The following DLGAP1 variants were observed in gnomAD, a reference collection of about 807,000 sequenced individuals.
DLGAP1 encodes DLG associated protein 1.
Under a neutral mutation model 90.8 loss-of-function variants are expected in DLGAP1, and 11 were observed. The observed-to-expected ratio is 0.12, with a 90% CI of 0.08 to 0.20. The LOEUF (loss-of-function observed/expected upper bound fraction) is 0.20. Among genes scored for constraint, DLGAP1 ranks in the 10% least tolerant of loss-of-function variants. The pLI is 1.00. For synonymous variants in DLGAP1, 558 were observed against 540.7 expected (o/e 1.03, Z -0.44); for missense variants, 1,050 against 1,333.8 (o/e 0.79, Z 3.31).
intron 2 of DLGAP1, among the ~76,000 whole-genome samples, chr18:4,150,122 T>A (rs2076650255): frequency 6.6e-6 from 1 of 152,210 alleles, no homozygotes; most frequent in Non-Finnish European, 1.5e-5. Flanking sequence ...TCTTCCCTGA[T>A]TCACTCTTCC....
At chr18:4,317,069 T>C (rs2080548688) in intron 1 of DLGAP1, among the ~76,000 whole-genome samples, 1 of 152,216 alleles carries the variant, frequency 6.6e-6, no homozygotes, top group Non-Finnish European at 1.5e-5. Context: ...GAGATGTCAC[T>C]GGCCTATTTT....
intron 2 of DLGAP1, among the ~76,000 whole-genome samples, chr18:4,091,152 T>G (rs1403139396): frequency 6.6e-6 from 1 of 152,182 alleles, no homozygotes; most frequent in Non-Finnish European, 1.5e-5. Flanking sequence ...GCTTAATACC[T>G]AGGTGATGGG....
At chr18:3,803,847 A>G (rs1235813017) in intron 5 of DLGAP1, among the ~76,000 whole-genome samples, 1 of 151,766 alleles carries the variant, frequency 6.6e-6, no homozygotes, top group Non-Finnish European at 1.5e-5. Flanking sequence ...TACTAAAAAC[A>G]TTTGATGACT....
At chr18:3,927,918 T>A (rs1237689760) in intron 3 of DLGAP1, among the ~76,000 whole-genome samples, 1 of 152,216 alleles carries the variant, frequency 6.6e-6, no homozygotes, top group Non-Finnish European at 1.5e-5. Flanking sequence ...AGTTCCTCCC[T>A]ATTGCAACAG....
intron 3 of DLGAP1, among the ~76,000 whole-genome samples, chr18:3,965,020 A>C (rs2073292912): frequency 6.6e-6 from 1 of 152,110 alleles, no homozygotes; most frequent in Non-Finnish European, 1.5e-5. Context: ...TCAAATCCTA[A>C]CCACCTGGCC....
intron 2 of DLGAP1, among the ~76,000 whole-genome samples, chr18:4,110,731 C>T (rs960248752): frequency 6.6e-6 from 1 of 152,082 alleles, no homozygotes; most frequent in Non-Finnish European, 1.5e-5. Context: ...GAAAATTTTA[C>T]TCCTTATTTT....
chr18:3,858,558 A>AAAAAAC (rs1221937784), intron 4 of DLGAP1, among the ~76,000 whole-genome samples: 6 of 118,648 alleles, frequency 5.1e-5, no homozygotes, highest in Admixed American at 1.8e-4. Flanking sequence ...ATATATATAT[A>AAAAAAC]AAACACCTGA....
chr18:4,034,193 C>G (rs1232198706), intron 2 of DLGAP1, among the ~76,000 whole-genome samples: 2 of 151,912 alleles, frequency 1.3e-5, no homozygotes, highest in Non-Finnish European at 2.9e-5. Flanking sequence ...AAGCGCCCAC[C>G]ACCACGCCTG....
At chr18:4,410,599 T>C (rs2082756309) in intron 1 of DLGAP1, among the ~76,000 whole-genome samples, 1 of 152,126 alleles carries the variant, frequency 6.6e-6, no homozygotes, top group Non-Finnish European at 1.5e-5. Context: ...TTAAAACATT[T>C]TGGAAAACTG....
At chr18:3,525,090 G>GA (rs71366675) in intron 10 of DLGAP1, among the ~76,000 whole-genome samples, 9,548 of 131,186 alleles carry the variant, frequency 0.073, 542 homozygotes, top group African/African-American at 0.17. Context: ...TGTTCTGGGG[G>GA]AAAAAAAAAA....
chr18:3,694,534 C>T (rs2147057918), intron 7 of DLGAP1, among the ~76,000 whole-genome samples: 1 of 152,324 alleles, frequency 6.6e-6, no homozygotes, highest in Admixed American at 6.5e-5. Flanking sequence ...TCCACATCCT[C>T]TCCAGCATAT....
intron 2 of DLGAP1, among the ~76,000 whole-genome samples, chr18:4,093,230 T>G (rs1208097257): frequency 6.6e-6 from 1 of 152,168 alleles, no homozygotes; most frequent in African/African-American, 2.4e-5. Flanking sequence ...ACATTACAAC[T>G]ATTGAATAAG....
intron 3 of DLGAP1, among the ~76,000 whole-genome samples, chr18:3,998,781 T>C (rs60142709): frequency 0.12 from 17,980 of 152,152 alleles, 1,486 homozygotes; most frequent in East Asian, 0.35. Flanking sequence ...CAGTCTCGAA[T>C]AAATAGAAGA....
chr18:3,774,208 T>C (rs2064832194), intron 5 of DLGAP1: 1 of 152,232 alleles, frequency 6.6e-6, no homozygotes, highest in Non-Finnish European at 1.5e-5. Context: ...TGTTAAGGAC[T>C]TAGCAAAAGC....
intron 7 of DLGAP1, among the ~76,000 whole-genome samples, chr18:3,614,032 C>A (rs754152481): frequency 6.6e-6 from 1 of 152,126 alleles, no homozygotes; most frequent in Non-Finnish European, 1.5e-5. Context: ...AGCGATTCCC[C>A]TGCCTCGGCC....
chr18:3,982,512 T>G (rs2073754442), intron 3 of DLGAP1, among the ~76,000 whole-genome samples: 2 of 152,228 alleles, frequency 1.3e-5, no homozygotes, highest in African/African-American at 4.8e-5. Context: ...GACAGACTTG[T>G]GATTTGGTGC....
At chr18:4,149,866 C>T (rs939002791) in intron 2 of DLGAP1, among the ~76,000 whole-genome samples, 1 of 152,158 alleles carries the variant, frequency 6.6e-6, no homozygotes. Context: ...TTACAGTGTA[C>T]ACCTCAAGTG....
At chr18:4,206,714 C>T (rs982017917) in intron 1 of DLGAP1, among the ~76,000 whole-genome samples, 1 of 152,148 alleles carries the variant, frequency 6.6e-6, no homozygotes, top group African/African-American at 2.4e-5. Flanking sequence ...CTAAGTCTTC[C>T]ACATCACAAA....
chr18:4,354,271 T>C (rs761823607), intron 1 of DLGAP1, among the ~76,000 whole-genome samples: 1 of 152,176 alleles, frequency 6.6e-6, no homozygotes, highest in African/African-American at 2.4e-5. Context: ...AAGCCAGTCA[T>C]AAAACCTAGA....
Sources: gnomAD v4.1 joint callset for allele counts (sites outside exome capture counted in the v4.1 genomes callset) on GRCh38, gnomAD v4.1.1 for gene constraint, MANE v1.5 for transcripts, NCBI Gene and HGNC (gene_info 2026-07-23, HGNC 2026-07-21) for gene names.